Variants in DHRSX observed in about 807,000 individuals in gnomAD.
DHRSX encodes polyprenol dehydrogenase.
Under a neutral mutation model 34.0 loss-of-function variants are expected in DHRSX, and 31 were observed. The observed-to-expected ratio is 0.91, with a 90% confidence interval of 0.69 to 1.23. DHRSX has a LOEUF of 1.23. Ranked by LOEUF, DHRSX falls within the 50% of genes most tolerant of loss-of-function variation. DHRSX has a pLI of 0.00. For missense variants in DHRSX, 414 were observed against 428.1 expected, an observed-to-expected ratio of 0.97 and a Z score of 0.29; for synonymous variants, 201 against 183.8, an observed-to-expected ratio of 1.09 and a Z score of -0.76.
intron 3 of DHRSX, among the ~76,000 whole-genome samples, chrX:2,385,238 G>A (rs1339950579): frequency 1.3e-5 from 2 of 151,864 alleles, no homozygotes; most frequent in African/African-American, 2.4e-5. Context: ...TTTAGGGAAA[G>A]GAACACAAAT....
chrX:2,351,146 TAGA>T (rs1188244197), intron 3 of DHRSX, among the ~76,000 whole-genome samples: 2 of 152,106 alleles, frequency 1.3e-5, no homozygotes, highest in African/African-American at 4.8e-5. Flanking sequence ...GCTTAAAACG[TAGA>T]AGATTGGTTG....
At chrX:2,238,663 A>C (rs2016071854) in intron 6 of DHRSX, among the ~76,000 whole-genome samples, 1 of 150,230 alleles carries the variant, frequency 6.7e-6, no homozygotes, top group South Asian at 2.1e-4. Flanking sequence ...GGCTTACTGC[A>C]ACCTCCGCCT....
chrX:2,238,397 C>A (rs189012086), intron 6 of DHRSX, among the ~76,000 whole-genome samples: 1 of 152,066 alleles, frequency 6.6e-6, no homozygotes, highest in East Asian at 1.9e-4. Context: ...CTTCTGGTAC[C>A]GACTGGTCGC....
chrX:2,383,793 C>T (rs752851143), intron 3 of DHRSX, among the ~76,000 whole-genome samples: 2 of 152,144 alleles, frequency 1.3e-5, no homozygotes, highest in Non-Finnish European at 2.9e-5. Context: ...GGCTTCAGGA[C>T]AACTGCTTTA....
intron 3 of DHRSX, among the ~76,000 whole-genome samples, chrX:2,335,080 G>T (rs2042537669): frequency 6.6e-6 from 1 of 151,594 alleles, no homozygotes; most frequent in Non-Finnish European, 1.5e-5. Flanking sequence ...AGCTATTGAG[G>T]AGGCTGAGGC....
At chrX:2,476,897 G>A (rs964543101) in intron 1 of DHRSX, among the ~76,000 whole-genome samples, 2 of 152,076 alleles carry the variant, frequency 1.3e-5, no homozygotes, top group Non-Finnish European at 2.9e-5. Flanking sequence ...AGCTACTTGA[G>A]AGGCTGAGGC....
Position 2,307,658 on chromosome X carries a change from A to G in DHRSX, c.287-16055T>C, listed in dbSNP as rs1218655493. Among the ~76,000 whole-genome samples, 5 of 151,676 alleles carry G rather than the reference A, an allele frequency of 3.3e-5. 1 individual carries two copies. Among genetic ancestry groups the G allele is most frequent in the Admixed American group, 3.3e-4 (5 of 15,198 alleles). On this transcript the variant is annotated intron_variant, in intron 3 of 6. Coordinates refer to ENST00000334651, the MANE Select transcript of DHRSX (RefSeq NM_145177.3). ...CGGGCGCCTGTAGTCCCAGCTACTC[A>G]GGAGGCTGAGGCAGGAGAATGGCAT...
At chrX:2,328,017 T>G (rs1446722103) in intron 3 of DHRSX, among the ~76,000 whole-genome samples, 1 of 147,326 alleles carries the variant, frequency 6.8e-6, no homozygotes, top group Non-Finnish European at 1.5e-5. Context: ...GAGGTGGAGC[T>G]TGCAGTGAGC....
intron 1 of DHRSX, among the ~76,000 whole-genome samples, chrX:2,478,624 C>CATCCACAGTGTA (rs1417571387): frequency 1.3e-5 from 2 of 151,408 alleles, no homozygotes; most frequent in South Asian, 2.1e-4. Flanking sequence ...GGTTGAGGGA[C>CATCCACAGTGTA]CGCACTGAAG....
intron 3 of DHRSX, among the ~76,000 whole-genome samples, chrX:2,385,119 T>TGTGTGTGC (rs1238521981): frequency 8.6e-6 from 1 of 116,886 alleles, no homozygotes; most frequent in Non-Finnish European, 1.9e-5. Context: ...TATGTGTGTG[T>TGTGTGTGC]GTGTGTGTGT....
intron 3 of DHRSX, among the ~76,000 whole-genome samples, chrX:2,304,162 TGGATGA>T: frequency 7.0e-6 from 1 of 143,814 alleles, no homozygotes; most frequent in Non-Finnish European, 1.5e-5. Context: ...GATGGATGGA[TGGATGA>T]ACTGATGGAT....
chrX:2,336,395 C>G (rs965866738), intron 3 of DHRSX: 1 of 152,112 alleles, frequency 6.6e-6, no homozygotes, highest in Non-Finnish European at 1.5e-5. Context: ...ATTCTCATTA[C>G]GTCAGACATC....
At chrX:2,492,983 C>T (rs906600907) in intron 1 of DHRSX, among the ~76,000 whole-genome samples, 3 of 152,366 alleles carry the variant, frequency 2.0e-5, no homozygotes, top group Admixed American at 6.5e-5. Context: ...GCTGGCTTTC[C>T]GTCAACGGTG....
intron 3 of DHRSX, among the ~76,000 whole-genome samples, chrX:2,388,780 A>C (rs935696006): frequency 2.0e-5 from 3 of 151,674 alleles, no homozygotes; most frequent in African/African-American, 7.3e-5. Flanking sequence ...CCATACCCTG[A>C]TCTCAGACAT....
intron 3 of DHRSX, among the ~76,000 whole-genome samples, chrX:2,323,971 C>T (rs1231543245): frequency 1.3e-5 from 2 of 150,870 alleles, no homozygotes; most frequent in East Asian, 3.9e-4. Context: ...ATGTGAGGAT[C>T]ACCTGAGCCT....
chrX:2,289,410 G>A (rs1292597070), intron 4 of DHRSX, among the ~76,000 whole-genome samples: 5 of 152,088 alleles, frequency 3.3e-5, no homozygotes, highest in Admixed American at 1.3e-4. Context: ...GAGCCACCGC[G>A]CCCGGCCTGA....
chrX:2,444,951 G>A (rs369925453), intron 1 of DHRSX, among the ~76,000 whole-genome samples: 13 of 152,316 alleles, frequency 8.5e-5, no homozygotes, highest in African/African-American at 3.1e-4. Context: ...GAGGTCAGGA[G>A]TTCGAGACCA....
At chrX:2,392,059 G>A (rs2043341350) in intron 3 of DHRSX, among the ~76,000 whole-genome samples, 1 of 152,204 alleles carries the variant, frequency 6.6e-6, no homozygotes, top group Non-Finnish European at 1.5e-5. Flanking sequence ...GGTGAGGAAG[G>A]AGGAGGGAAA....
chrX:2,240,279 G>A (rs1228663600), intron 6 of DHRSX, among the ~76,000 whole-genome samples: 2 of 145,564 alleles, frequency 1.4e-5, no homozygotes, highest in African/African-American at 5.1e-5. Flanking sequence ...GTGACAGAGC[G>A]AGACTCTATC....
Sources: gnomAD v4.1 joint callset for allele counts (sites outside exome capture counted in the v4.1 genomes callset) on GRCh38, gnomAD v4.1.1 for gene constraint, MANE v1.5 for transcripts, NCBI Gene and HGNC (gene_info 2026-07-23, HGNC 2026-07-21) for gene names.